The following ARHGEF3 variants were observed in gnomAD, a reference collection of about 807,000 sequenced individuals.
ARHGEF3 encodes 59.8 kDA protein.
In ARHGEF3, 28 loss-of-function variants were observed where a neutral mutation model predicts 63.2. That is an observed-to-expected ratio of 0.44 (90% CI 0.33 to 0.61). The LOEUF (loss-of-function observed/expected upper bound fraction) is 0.61, where lower values mean the gene tolerates loss of function less well. Among genes scored for constraint, ARHGEF3 ranks in the 20% least tolerant of loss-of-function variants. The pLI is 0.03. For missense variants in ARHGEF3, 533 were observed against 659.3 expected (o/e 0.81, Z 2.10); for synonymous variants, 266 against 254.2 (o/e 1.05, Z -0.44).
intron 2 of ARHGEF3, among the ~76,000 whole-genome samples, chr3:57,000,627 G>A (rs1702159471): frequency 1.3e-5 from 2 of 152,090 alleles, no homozygotes; most frequent in African/African-American, 4.8e-5. Context: ...CTGCCTCCCG[G>A]GTTCAAGTGA....
chr3:56,752,169 C>T, intron 4 of ARHGEF3, among the ~76,000 whole-genome samples: 1 of 150,756 alleles, frequency 6.6e-6, no homozygotes, highest in East Asian at 1.9e-4. Flanking sequence ...GATCTGCCCG[C>T]CTCGGCCTCC....
At chr3:56,764,756 A>AT (rs199973461) in intron 2 of ARHGEF3, among the ~76,000 whole-genome samples, 47,212 of 142,286 alleles carry the variant, frequency 0.33, 9,000 homozygotes, top group Middle Eastern at 0.57. Flanking sequence ...TAGTCAACAA[A>AT]TTTTTTTTTT....
At chr3:57,002,209 C>G (rs1702224870) in intron 2 of ARHGEF3, among the ~76,000 whole-genome samples, 1 of 150,986 alleles carries the variant, frequency 6.6e-6, no homozygotes, top group Non-Finnish European at 1.5e-5. Flanking sequence ...CCGGGCCCGG[C>G]TGACATAGTA....
At chr3:56,777,686 C>A (rs1420934259) in intron 1 of ARHGEF3, among the ~76,000 whole-genome samples, 1 of 152,168 alleles carries the variant, frequency 6.6e-6, no homozygotes, top group Non-Finnish European at 1.5e-5. Context: ...CCTGCACTTC[C>A]TTTTTGCAGC....
intron 1 of ARHGEF3, chr3:57,074,695 A>C (rs1247511660): frequency 5.2e-6 from 1 of 192,192 alleles, no homozygotes; most frequent in African/African-American, 2.4e-5. Context: ...AAGTGCCACT[A>C]GGTGATGAGG....
chr3:56,861,928 T>C (rs1002975567), intron 4 of ARHGEF3, among the ~76,000 whole-genome samples: 9 of 151,800 alleles, frequency 5.9e-5, no homozygotes. Flanking sequence ...GCAGCAGCTC[T>C]GCTTCCACTG....
At chr3:56,734,700 C>T (rs537079829) in intron 8 of ARHGEF3, among the ~76,000 whole-genome samples, 171 of 152,184 alleles carry the variant, frequency 1.1e-3, no homozygotes, top group Non-Finnish European at 1.9e-3. Flanking sequence ...ATAGGTCTCC[C>T]ACCCCTATCC....
At chr3:57,026,081 G>A (rs1009821823) in intron 2 of ARHGEF3, among the ~76,000 whole-genome samples, 1 of 152,210 alleles carries the variant, frequency 6.6e-6, no homozygotes, top group African/African-American at 2.4e-5. Context: ...TACCTTATGA[G>A]CCTAGTGAGC....
intron 2 of ARHGEF3, among the ~76,000 whole-genome samples, chr3:57,030,381 G>A (rs997928530): frequency 6.6e-6 from 1 of 152,176 alleles, no homozygotes; most frequent in Admixed American, 6.5e-5. Flanking sequence ...AGACATATAT[G>A]TATATAATCC....
chr3:56,962,257 G>T (rs1020560862), intron 2 of ARHGEF3, among the ~76,000 whole-genome samples: 1 of 152,156 alleles, frequency 6.6e-6, no homozygotes, highest in African/African-American at 2.4e-5. Flanking sequence ...ACCAACACCA[G>T]GTCCTCACCA....
At chr3:56,932,386 TC>T (rs1315113258) in intron 3 of ARHGEF3, among the ~76,000 whole-genome samples, 5 of 152,196 alleles carry the variant, frequency 3.3e-5, no homozygotes, top group Non-Finnish European at 7.3e-5. Context: ...GTGCTTTTTT[TC>T]ATAGCCCAAA....
chr3:57,009,159 C>A (rs75157863), intron 2 of ARHGEF3, among the ~76,000 whole-genome samples: 2 of 152,230 alleles, frequency 1.3e-5, no homozygotes, highest in Non-Finnish European at 2.9e-5. Flanking sequence ...TTCTGAGGTC[C>A]GGCTCCTCCC....
intron 3 of ARHGEF3, among the ~76,000 whole-genome samples, chr3:56,901,176 C>T (rs2041490841): frequency 6.6e-6 from 1 of 152,024 alleles, no homozygotes; most frequent in Non-Finnish European, 1.5e-5. Context: ...CCAGCATAGA[C>T]CAGTGCATGG....
intron 1 of ARHGEF3, among the ~76,000 whole-genome samples, chr3:56,787,437 C>A (rs1473724080): frequency 6.6e-6 from 1 of 152,100 alleles, no homozygotes; most frequent in Non-Finnish European, 1.5e-5. Flanking sequence ...AGGTGTGACT[C>A]TTGTGACTCT....
At position 56,814,409 on chromosome 3, in the gene ARHGEF3, C is replaced by T. The variant is rs2038188710; in HGVS notation, c.193-40593G>A. Reference sequence around the variant, plus strand: ...CCACGGAAGCCAAAAGATTGGACACCTCTGCTTTAGAATGAGAAGCCTGGG... The same window carrying T: ...CCACGGAAGCCAAAAGATTGGACACTTCTGCTTTAGAATGAGAAGCCTGGG... On this transcript the variant is annotated intron_variant, in intron 4 of 12. Coordinates refer to the ARHGEF3 transcript ENST00000338458. Among the ~76,000 whole-genome samples, 4 of 152,146 alleles carry T rather than the reference C, an allele frequency of 2.6e-5. No individual in the cohort carries two copies. In the South Asian group the frequency reaches 6.2e-4, roughly 24 times the overall value.
At chr3:56,758,260 G>A (rs548048672) in intron 2 of ARHGEF3, among the ~76,000 whole-genome samples, 1 of 150,334 alleles carries the variant, frequency 6.7e-6, no homozygotes, top group East Asian at 2.0e-4. Flanking sequence ...CAGCCTGGGC[G>A]ACAGAGCAAG....
intron 3 of ARHGEF3, among the ~76,000 whole-genome samples, chr3:56,950,994 C>T (rs1308319014): frequency 6.6e-6 from 1 of 151,876 alleles, no homozygotes; most frequent in South Asian, 2.1e-4. Context: ...ATGGATGAAG[C>T]TGGAAACCAT....
At chr3:57,016,000 C>G (rs986247770) in intron 2 of ARHGEF3, among the ~76,000 whole-genome samples, 1 of 152,034 alleles carries the variant, frequency 6.6e-6, no homozygotes, top group African/African-American at 2.4e-5. Context: ...CACCTGGGTG[C>G]GTCCTCATAT....
At chr3:56,881,060 AT>A (rs1233951217) in intron 4 of ARHGEF3, among the ~76,000 whole-genome samples, 1 of 152,266 alleles carries the variant, frequency 6.6e-6, no homozygotes, top group African/African-American at 2.4e-5. Flanking sequence ...ACATTGGTAA[AT>A]AATGTTATCA....
Sources: allele counts gnomAD v4.1 joint callset (sites outside exome capture counted in the v4.1 genomes callset), GRCh38; gene constraint gnomAD v4.1.1; transcripts MANE v1.5; gene names NCBI Gene and HGNC (gene_info 2026-07-23, HGNC 2026-07-21).